Variants in MAPK9 observed in about 807,000 individuals in gnomAD.
The protein encoded by MAPK9 is Jun kinase.
In MAPK9, 30 loss-of-function variants were observed where a neutral mutation model predicts 57.1. The observed-to-expected ratio is 0.53, with a 90% CI of 0.39 to 0.71. The LOEUF is 0.71. MAPK9 is among the 30% of genes least tolerant of loss of function. The probability of loss-of-function intolerance (pLI) is 0.00; values close to 1 mark genes in which losing one functional copy is unlikely to be tolerated. For missense variants in MAPK9, 362 were observed against 521.0 expected (o/e 0.69, Z 2.97); for synonymous variants, 155 against 177.0 (o/e 0.88, Z 0.99).
intron 2 of MAPK9, among the ~76,000 whole-genome samples, chr5:180,273,379 T>C (rs1347778506): frequency 6.6e-6 from 1 of 152,194 alleles, no homozygotes; most frequent in Non-Finnish European, 1.5e-5. Flanking sequence ...ATCAATCTTC[T>C]ATGATAATTT....
At chr5:180,259,881 T>A (rs1028176074) in intron 5 of MAPK9, among the ~76,000 whole-genome samples, 1 of 152,208 alleles carries the variant, frequency 6.6e-6, no homozygotes, top group African/African-American at 2.4e-5. Context: ...ATGAAAAAAC[T>A]CATACTCTGT....
chr5:180,238,276 A>C, intron 11 of MAPK9, 56 bp downstream of exon 11: 3 of 1,468,942 alleles, frequency 2.0e-6, no homozygotes, highest in Non-Finnish European at 2.8e-6. Context: ...TCTCAAAAAA[A>C]AAAAGTTGAA....
rs1490533045 is a variant in MAPK9, at chr5:180,291,904, T to C, written c.-104A>G. ...GGGCGGGCGGGCGGACTGGCGGCGC[T>C]GCGTGCTAGTCACTCCTGGCTCCGC... On this transcript the variant is annotated 5_prime_UTR_variant, in exon 1 of 12. Transcript: ENST00000452135. 6.8e-6 allele frequency: 1 copy of C among 146,364 alleles called. No homozygotes were observed. Among genetic ancestry groups the C allele is most frequent in the East Asian group, 2.0e-4 (1 of 5,010 alleles). 9.1% of individuals were successfully genotyped at this position (146,364 alleles called of 1,614,324 possible). A position where few individuals can be genotyped will look rare whatever the true frequency, so the allele number is the denominator to read the frequency against.
intron 2 of MAPK9, among the ~76,000 whole-genome samples, chr5:180,271,313 G>A (rs1432817655): frequency 6.6e-6 from 1 of 152,162 alleles, no homozygotes; most frequent in Non-Finnish European, 1.5e-5. Context: ...TGTGGTTATT[G>A]CGGTCACTCA....
intron 5 of MAPK9, among the ~76,000 whole-genome samples, chr5:180,255,464 G>A (rs1389564352): frequency 6.6e-6 from 1 of 152,066 alleles, no homozygotes; most frequent in African/African-American, 2.4e-5. Context: ...TGAAACTGAT[G>A]AAATACCCAA....
chr5:180,288,702 T>C lies in MAPK9; in HGVS notation c.-48+3146A>G, dbSNP rs546459659. Among the ~76,000 whole-genome samples, 10 of 152,312 alleles carry C rather than the reference T, an allele frequency of 6.6e-5. No individual in the cohort carries two copies. The East Asian group carries it at 1.5e-3, about 23-fold the overall frequency. The stretch of plus-strand genomic sequence containing the variant: ...CTACCCTACCACATTTATTCTCCCA[T>C]TTAGCTTTGTCTTTACCAAACATTT... On this transcript the variant is annotated intron_variant, in intron 1 of 11. Coordinates refer to ENST00000452135, the MANE Select transcript of MAPK9 (RefSeq NM_002752.5).
rs1333644881 is a variant in MAPK9 at position 180,264,771 on chromosome 5, T to C, written c.311+10A>G. On this transcript the variant is annotated intron_variant, in intron 4 of 11. Coordinates refer to ENST00000452135, the MANE Select transcript of MAPK9 (RefSeq NM_002752.5). ...TGTACAGTGCATTACTGAATAAAAA[T>C]GATACTTACACATCTTGAAATTCTT... The C allele has an allele frequency of 6.4e-7, 1 of 1,564,698 alleles. No individual in the cohort carries two copies. The highest frequency in any genetic ancestry group is 1.4e-5 in the African/African-American group (1 of 72,888).
intron 1 of MAPK9, among the ~76,000 whole-genome samples, chr5:180,285,475 G>A (rs1028916577): frequency 1.7e-4 from 26 of 152,150 alleles, no homozygotes; most frequent in African/African-American, 6.0e-4. Context: ...ACGATTCAGT[G>A]ATCCACAGAC....
In MAPK9 at chr5:180,241,030, C is replaced by A; in HGVS notation, c.996+1G>T. 6.2e-7 allele frequency: 1 copy of A among 1,611,022 alleles called. No individual in the cohort carries two copies. The highest frequency in any genetic ancestry group is 8.5e-7 in the Non-Finnish European group (1 of 1,178,834). ...TAAATCTTTTCAAAACAGATACTCA[C>A]GGCTTCTGCTTCGGCGGGGTCATAC... On this transcript the variant is annotated splice_donor_variant, in intron 9 of 11. Coordinates refer to ENST00000452135, the MANE Select transcript of MAPK9 (RefSeq NM_002752.5). LOFTEE classifies it high-confidence loss of function.
In MAPK9 at chr5:180,234,973, C is replaced by T. The variant is rs1757078323; in HGVS notation, c.*1411G>A. Reference sequence around the variant, plus strand: ...TTGAACACAAGATATGAATCAGCAACAGAATAAGCTCAAGGGAAGAGACAT... The same window carrying T: ...TTGAACACAAGATATGAATCAGCAATAGAATAAGCTCAAGGGAAGAGACAT... On this transcript the variant is annotated 3_prime_UTR_variant, in exon 12 of 12. Coordinates refer to ENST00000452135, the MANE Select transcript of MAPK9 (RefSeq NM_002752.5). 1 of 152,114 alleles carries T rather than the reference C, an allele frequency of 6.6e-6. No homozygotes were observed. The highest frequency in any genetic ancestry group is 1.5e-5 in the Non-Finnish European group (1 of 68,028). 9.4% of individuals were successfully genotyped at this position (152,114 alleles called of 1,614,324 possible).
At chr5:180,281,043 C>T (rs1391629543) in intron 1 of MAPK9, among the ~76,000 whole-genome samples, 2 of 152,166 alleles carry the variant, frequency 1.3e-5, no homozygotes, top group Non-Finnish European at 2.9e-5. Flanking sequence ...GAGAAGCAAA[C>T]GGACCAGTCT....
intron 1 of MAPK9, among the ~76,000 whole-genome samples, chr5:180,289,543 C>A (rs554405575): frequency 1.3e-5 from 2 of 152,296 alleles, no homozygotes; most frequent in Admixed American, 1.3e-4. Context: ...GGGAAGTGAT[C>A]TGGGTTCGAA....
chr5:180,249,222 G>T, intron 5 of MAPK9, 84 bp from the exon 6 acceptor site: 1 of 1,294,532 alleles, frequency 7.7e-7, no homozygotes, highest in Non-Finnish European at 1.1e-6. Context: ...CGTGAAGCCA[G>T]TGTGAGAGTG....
chr5:180,265,776 T>C (rs1760475285), intron 3 of MAPK9, among the ~76,000 whole-genome samples: 1 of 152,096 alleles, frequency 6.6e-6, no homozygotes, highest in South Asian at 2.1e-4. Flanking sequence ...GAGGGAAAGA[T>C]GAATTATCCA....
chr5:180,255,063 C>T (rs34633443), intron 5 of MAPK9, among the ~76,000 whole-genome samples: 1,691 of 152,176 alleles, frequency 0.011, 29 homozygotes, highest in African/African-American at 0.038. Context: ...TAAGAAACTC[C>T]GGAGCCATGC....
intron 1 of MAPK9, among the ~76,000 whole-genome samples, chr5:180,284,887 T>C (rs933041688): frequency 2.0e-5 from 3 of 152,184 alleles, no homozygotes; most frequent in Non-Finnish European, 4.4e-5. Context: ...GAACACATAA[T>C]GCCCAGCTAC....
At position 180,254,256 on chromosome 5, in the gene MAPK9, C is replaced by T. The variant is rs547936941; in HGVS notation, c.451-5118G>A. Among the ~76,000 whole-genome samples the T allele has an allele frequency of 1.5e-4, 23 of 152,268 alleles. No homozygotes were observed. The East Asian group carries it at 3.7e-3, about 24-fold the overall frequency. On this transcript the variant is annotated intron_variant, in intron 5 of 11. Coordinates refer to ENST00000452135, the MANE Select transcript of MAPK9 (RefSeq NM_002752.5). The stretch of plus-strand genomic sequence containing the variant: ...TGCTGGGATTACTGGCATGAGCCAC[C>T]GTGCTTGGCCTAATGTTTCAATCTT...
At chr5:180,261,134 C>G (rs1337934927) in intron 5 of MAPK9, among the ~76,000 whole-genome samples, 1 of 152,204 alleles carries the variant, frequency 6.6e-6, no homozygotes, top group African/African-American at 2.4e-5. Flanking sequence ...CAGGCCTGCT[C>G]TGAACCCTTG....
intron 1 of MAPK9, among the ~76,000 whole-genome samples, chr5:180,290,602 T>C (rs2127637932): frequency 6.6e-6 from 1 of 152,328 alleles, no homozygotes; most frequent in East Asian, 1.9e-4. Flanking sequence ...GCTAAACTAT[T>C]ATAAAAATGT....
Sources: gnomAD v4.1 joint callset for allele counts (sites outside exome capture counted in the v4.1 genomes callset) on GRCh38, gnomAD v4.1.1 for gene constraint, MANE v1.5 for transcripts, NCBI Gene and HGNC (gene_info 2026-07-23, HGNC 2026-07-21) for gene names.